C2orf76: variants seen among roughly 807,000 people sequenced by gnomAD.
C2orf76 encodes UPF0538 protein C2orf76.
A neutral mutation model predicts 16.9 loss-of-function variants in C2orf76; 23 were observed. That is an observed-to-expected ratio of 1.36 (90% CI 0.98 to 1.93). The LOEUF is 1.93. C2orf76 is among the 30% of genes most tolerant of loss of function. C2orf76 has a pLI of 0.00. For missense variants in C2orf76, 152 were observed against 152.6 expected (o/e 1.00, Z 0.02); for synonymous variants, 48 against 52.3 (o/e 0.92, Z 0.35).
chr2:119,343,641 G>C (rs932784718), intron 1 of C2orf76, among the ~76,000 whole-genome samples: 1 of 152,082 alleles, frequency 6.6e-6, no homozygotes, highest in East Asian at 1.9e-4. Flanking sequence ...TTAAAAAGCT[G>C]TTCCATGTTA....
chr2:119,291,140 C>T, the C2orf76 span, among the ~76,000 whole-genome samples: 1 of 151,976 alleles, frequency 6.6e-6, no homozygotes, highest in East Asian at 1.9e-4. Context: ...CTCCGCGTAA[C>T]GAGGCTCTGC....
downstream of C2orf76, among the ~76,000 whole-genome samples, chr2:119,301,507 G>C (rs897184189): frequency 4.6e-5 from 7 of 151,892 alleles, no homozygotes; most frequent in African/African-American, 1.7e-4. Context: ...GGCACTCAGG[G>C]AGCAATGGCA....
At chr2:119,340,908 A>C (rs1415467670) in intron 1 of C2orf76, among the ~76,000 whole-genome samples, 2 of 144,270 alleles carry the variant, frequency 1.4e-5, no homozygotes, top group East Asian at 3.9e-4. Context: ...TTGTAAGCAA[A>C]CAGTTAAAAA....
intron 4 of C2orf76, among the ~76,000 whole-genome samples, chr2:119,316,822 G>T (rs959332230): frequency 6.6e-5 from 10 of 152,146 alleles, no homozygotes; most frequent in African/African-American, 2.4e-4. Flanking sequence ...AAGAAAAAAA[G>T]ATCACTCTGC....
At chr2:119,288,811 G>C in the C2orf76 span, among the ~76,000 whole-genome samples, 1 of 151,930 alleles carries the variant, frequency 6.6e-6, no homozygotes, top group Non-Finnish European at 1.5e-5. Flanking sequence ...ATTCCCCTCT[G>C]AGGACAAGTC....
In C2orf76 at chr2:119,339,987, T is replaced by C. The variant is rs1368315515; in HGVS notation, c.-12-16A>G. 3.1e-6 allele frequency: 5 copies of C among 1,599,164 alleles called. No individual in the cohort carries two copies. Among genetic ancestry groups the C allele is most frequent in the East Asian group, 2.2e-5 (1 of 44,490 alleles). On this transcript the variant is annotated splice_polypyrimidine_tract_variant and intron_variant, in intron 1 of 5. Transcript: ENST00000334816. ...GAAGAAATTCCTGTGGCAAGAGACATGAGAACCATCTAAATGAAGCCAGCT... is the reference window on the plus strand; with the variant it reads ...GAAGAAATTCCTGTGGCAAGAGACACGAGAACCATCTAAATGAAGCCAGCT...
At chr2:119,326,966 A>C (rs1679527316) in intron 2 of C2orf76, among the ~76,000 whole-genome samples, 1 of 152,208 alleles carries the variant, frequency 6.6e-6, no homozygotes, top group South Asian at 2.1e-4. Context: ...TAGATTTCAT[A>C]GGATTTTCTG....
intron 5 of C2orf76, among the ~76,000 whole-genome samples, chr2:119,310,680 T>G (rs1678955332): frequency 6.6e-6 from 1 of 152,170 alleles, no homozygotes; most frequent in South Asian, 2.1e-4. Context: ...GAGACCAGTC[T>G]GGCCAATATA....
intron 5 of C2orf76, among the ~76,000 whole-genome samples, chr2:119,309,767 C>G (rs1042573626): frequency 1.3e-5 from 2 of 152,122 alleles, no homozygotes; most frequent in Admixed American, 6.5e-5. Context: ...AGATATTTTT[C>G]AAAGTTTATT....
chr2:119,347,242 G>A (rs1463338730), intron 1 of C2orf76, among the ~76,000 whole-genome samples: 3 of 152,136 alleles, frequency 2.0e-5, no homozygotes, highest in African/African-American at 7.2e-5. Flanking sequence ...GAGGCCATCA[G>A]CCAAGTTCAG....
chr2:119,309,148 T>C (rs976322863), intron 5 of C2orf76, among the ~76,000 whole-genome samples: 15 of 152,208 alleles, frequency 9.9e-5, no homozygotes, highest in African/African-American at 3.6e-4. Context: ...TAGCCTGGCA[T>C]CCCAAACTGC....
the C2orf76 span, among the ~76,000 whole-genome samples, chr2:119,290,425 G>A: frequency 2.0e-5 from 3 of 152,006 alleles, no homozygotes; most frequent in Non-Finnish European, 4.4e-5. Context: ...TTTAGAAATG[G>A]CCCATCATTA....
chr2:119,348,932 A>C (rs182965814), intron 1 of C2orf76, among the ~76,000 whole-genome samples: 154 of 152,282 alleles, frequency 1.0e-3, no homozygotes, highest in Non-Finnish European at 1.7e-3. Context: ...GGTTGCCAAG[A>C]GCCAAGATTG....
At chr2:119,296,541 A>G in the C2orf76 span, among the ~76,000 whole-genome samples, 4 of 152,340 alleles carry the variant, frequency 2.6e-5, no homozygotes, top group East Asian at 7.7e-4. Context: ...ATTAGCAGAA[A>G]TGGGGAAGCC....
At chr2:119,290,587 T>C in the C2orf76 span, among the ~76,000 whole-genome samples, 1 of 152,072 alleles carries the variant, frequency 6.6e-6, no homozygotes, top group Non-Finnish European at 1.5e-5. Flanking sequence ...GCCAGCACTT[T>C]GGGAGGCGAA....
chr2:119,308,959 C>CT (rs11410249), intron 5 of C2orf76, among the ~76,000 whole-genome samples: 49,013 of 152,078 alleles, frequency 0.32, 10,542 homozygotes, highest in African/African-American at 0.61. Context: ...GACAATGCCA[C>CT]TTTTTCATGT....
At chr2:119,340,529 C>CACAT (rs1679991780) in intron 1 of C2orf76, among the ~76,000 whole-genome samples, 2 of 152,248 alleles carry the variant, frequency 1.3e-5, no homozygotes, top group African/African-American at 4.8e-5. Context: ...AAGTACTAGG[C>CACAT]ACATGTACCA....
downstream of C2orf76, among the ~76,000 whole-genome samples, chr2:119,299,644 T>TA (rs1287929930): frequency 1.3e-5 from 2 of 152,196 alleles, no homozygotes; most frequent in Non-Finnish European, 2.9e-5. Flanking sequence ...TTGCTGTTGA[T>TA]ACATTTATTT....
chr2:119,303,406 T>C (rs1478587736), intron 5 of C2orf76, among the ~76,000 whole-genome samples: 2 of 152,224 alleles, frequency 1.3e-5, no homozygotes, highest in African/African-American at 2.4e-5. Flanking sequence ...CAGAAGTTAA[T>C]ACAGTCTGCT....
Sources: allele counts gnomAD v4.1 joint callset (sites outside exome capture counted in the v4.1 genomes callset), GRCh38; gene constraint gnomAD v4.1.1; transcripts MANE v1.5; gene names NCBI Gene and HGNC (gene_info 2026-07-23, HGNC 2026-07-21).